The following RBFOX1 variants were observed in gnomAD, a reference collection of about 807,000 sequenced individuals.
The protein encoded by RBFOX1 is RNA binding protein fox-1 homolog 1.
RBFOX1 carries 8 observed loss-of-function variants against 57.7 expected under a neutral mutation model. The ratio of observed to expected loss-of-function variants is 0.14; its 90% confidence interval spans 0.08 to 0.25. The LOEUF is 0.25. RBFOX1 is among the 10% of genes least tolerant of loss of function. The pLI is 1.00. For synonymous variants in RBFOX1, 326 were observed against 222.4 expected (o/e 1.47, Z -4.15); for missense variants, 611 against 548.5 (o/e 1.11, Z -1.14).
intron 4 of RBFOX1, among the ~76,000 whole-genome samples, chr16:7,221,742 T>C (rs1442087332): frequency 6.6e-6 from 1 of 152,206 alleles, no homozygotes; most frequent in Non-Finnish European, 1.5e-5. Flanking sequence ...TTCAGTGTGG[T>C]TATTCAATGG....
At chr16:5,918,545 C>G (rs568206378) in intron 4 of RBFOX1, among the ~76,000 whole-genome samples, 28 of 152,202 alleles carry the variant, frequency 1.8e-4, no homozygotes, top group Non-Finnish European at 3.4e-4. Flanking sequence ...TACTGACCAG[C>G]TTTAACAGAG....
intron 1 of RBFOX1, among the ~76,000 whole-genome samples, chr16:5,330,148 C>G (rs1347384189): frequency 2.0e-5 from 3 of 152,128 alleles, no homozygotes; most frequent in South Asian, 4.2e-4. Context: ...CCTCCAAATA[C>G]CATCGCTTTC....
At chr16:5,640,235 A>G (rs948538369) in intron 3 of RBFOX1, among the ~76,000 whole-genome samples, 9 of 152,154 alleles carry the variant, frequency 5.9e-5, no homozygotes, top group Non-Finnish European at 4.4e-5. Flanking sequence ...AATCTATATT[A>G]ATGAAGGGAC....
intron 3 of RBFOX1, among the ~76,000 whole-genome samples, chr16:5,767,896 C>T (rs1440103620): frequency 6.6e-6 from 1 of 152,082 alleles, no homozygotes; most frequent in African/African-American, 2.4e-5. Context: ...CCTTTAGTCT[C>T]ATGACCATAC....
At chr16:5,651,860 A>C (rs1309032200) in intron 3 of RBFOX1, among the ~76,000 whole-genome samples, 2 of 152,226 alleles carry the variant, frequency 1.3e-5, no homozygotes, top group Admixed American at 1.3e-4. Context: ...TAGGCCGGGC[A>C]CAGTGGCTCA....
chr16:5,290,828 A>T (rs2063516124), intron 1 of RBFOX1, among the ~76,000 whole-genome samples: 1 of 151,880 alleles, frequency 6.6e-6, no homozygotes, highest in Admixed American at 6.6e-5. Flanking sequence ...TCTCCCGAGT[A>T]GCTGGGATTA....
At chr16:6,989,033 G>T (rs903876824) in intron 3 of RBFOX1, among the ~76,000 whole-genome samples, 9 of 151,946 alleles carry the variant, frequency 5.9e-5, no homozygotes, top group Non-Finnish European at 1.0e-4. Context: ...AAAGTGCTGG[G>T]ATTATAAGCG....
chr16:6,901,338 A>T (rs1465237875), intron 3 of RBFOX1, among the ~76,000 whole-genome samples: 1 of 152,160 alleles, frequency 6.6e-6, no homozygotes, highest in Non-Finnish European at 1.5e-5. Flanking sequence ...AGAAGTTTCA[A>T]CCTGGAAATG....
intron 2 of RBFOX1, among the ~76,000 whole-genome samples, chr16:6,378,045 A>C (rs1480314588): frequency 2.6e-5 from 4 of 152,140 alleles, no homozygotes. Flanking sequence ...CTGGTCTTCT[A>C]GCATCCTGGA....
chr16:5,901,933 C>T (rs548571559), intron 4 of RBFOX1, among the ~76,000 whole-genome samples: 33 of 152,290 alleles, frequency 2.2e-4, no homozygotes, highest in African/African-American at 7.7e-4. Flanking sequence ...TGGTTCTCCA[C>T]CTAGAAGCGA....
intron 3 of RBFOX1, among the ~76,000 whole-genome samples, chr16:6,844,341 T>C (rs1018823251): frequency 6.6e-6 from 1 of 152,160 alleles, no homozygotes; most frequent in Non-Finnish European, 1.5e-5. Flanking sequence ...TTCTTTCTGA[T>C]GCTCTCTTTC....
At chr16:7,475,458 G>C (rs1398042533) in intron 4 of RBFOX1, among the ~76,000 whole-genome samples, 1 of 152,086 alleles carries the variant, frequency 6.6e-6, no homozygotes, top group Non-Finnish European at 1.5e-5. Context: ...GGGACTGCAG[G>C]CGCATGCCAC....
intron 4 of RBFOX1, among the ~76,000 whole-genome samples, chr16:7,060,864 C>G (rs2054026899): frequency 6.6e-6 from 1 of 152,148 alleles, no homozygotes; most frequent in African/African-American, 2.4e-5. Context: ...AGCATGAATA[C>G]CATTCTTTGC....
intron 1 of RBFOX1, among the ~76,000 whole-genome samples, chr16:6,044,879 C>T (rs922646478): frequency 2.6e-5 from 4 of 152,138 alleles, no homozygotes; most frequent in African/African-American, 9.7e-5. Flanking sequence ...GCTGTTTTAC[C>T]TTTAGAATGA....
chr16:6,439,968 C>A (rs2094333030), intron 2 of RBFOX1, among the ~76,000 whole-genome samples: 1 of 82,014 alleles, frequency 1.2e-5, no homozygotes, highest in Non-Finnish European at 2.5e-5. Context: ...ACTTAGGTGG[C>A]CATTAGTCTT....
intron 5 of RBFOX1, among the ~76,000 whole-genome samples, chr16:7,571,008 C>T (rs999321208): frequency 5.3e-5 from 8 of 152,250 alleles, no homozygotes; most frequent in Admixed American, 1.3e-4. Context: ...TGCATGTTCT[C>T]ACTCATAAGT....
intron 3 of RBFOX1, among the ~76,000 whole-genome samples, chr16:6,904,620 A>AAG (rs2069337199): frequency 6.6e-6 from 1 of 150,772 alleles, no homozygotes; most frequent in Non-Finnish European, 1.5e-5. Flanking sequence ...AAAAAAAAAA[A>AAG]AAAAAAAAGA....
chr16:5,818,344 G>C (rs902810405), intron 3 of RBFOX1, among the ~76,000 whole-genome samples: 2 of 152,166 alleles, frequency 1.3e-5, no homozygotes, highest in Non-Finnish European at 2.9e-5. Context: ...GCAAGGGCTT[G>C]TATATCATGG....
chr16:7,570,195 G>A (rs1433543486), intron 5 of RBFOX1, among the ~76,000 whole-genome samples: 1 of 147,350 alleles, frequency 6.8e-6, no homozygotes. Context: ...TGACTTCTAA[G>A]AATTCTAAAA....
Sources: gnomAD v4.1 joint callset for allele counts (sites outside exome capture counted in the v4.1 genomes callset) on GRCh38, gnomAD v4.1.1 for gene constraint, MANE v1.5 for transcripts, NCBI Gene and HGNC (gene_info 2026-07-23, HGNC 2026-07-21) for gene names.